The following CERCAM variants were observed in gnomAD, a reference collection of about 807,000 sequenced individuals.
CERCAM encodes cerebral endothelial cell adhesion molecule.
A neutral mutation model predicts 66.0 loss-of-function variants in CERCAM; 59 were observed. The observed-to-expected ratio is 0.89, with a 90% CI of 0.73 to 1.11. CERCAM has a LOEUF of 1.11. Ranked by LOEUF, CERCAM falls within the 50% of genes most tolerant of loss-of-function variation. CERCAM has a pLI of 0.00. For missense variants in CERCAM, 840 were observed against 828.3 expected (o/e 1.01, Z -0.17); for synonymous variants, 318 against 343.6 (o/e 0.93, Z 0.83).
At chr9:128,422,749 A>G in intron 1 of CERCAM, 119 bp from the exon 2 acceptor site, 1 of 1,148,116 alleles carries the variant, frequency 8.7e-7, no homozygotes, top group Non-Finnish European at 1.2e-6. Context: ...TAGCACACCT[A>G]CCCTTCACTG....
In CERCAM at chr9:128,422,900, C is replaced by T; in HGVS notation, c.230C>T (p.Thr77Ile). The change falls in exon 2 of 13, where the codon ACA (threonine) becomes ATA (isoleucine). Residue 77 changes from threonine to isoleucine, a missense_variant. Thr to Ile is a moderately conservative substitution (Grantham distance 89, BLOSUM62 -1). Coordinates refer to ENST00000372838, the MANE Select transcript of CERCAM (RefSeq NM_016174.5). ...CATDHNVDNT[T>I]EMLQEWLAAV... ...ACGGACCACAATGTGGACAACACCA[C>T]AGAGATGCTGCAGGAGTGGCTGGCG... The T allele has an allele frequency of 6.2e-7, 1 of 1,614,128 alleles. No individual in the cohort carries two copies. The highest frequency in any genetic ancestry group is 2.2e-5 in the East Asian group (1 of 44,890).
At chr9:128,425,815 C>A (rs943502519) in intron 5 of CERCAM, among the ~76,000 whole-genome samples, 15 of 107,438 alleles carry the variant, frequency 1.4e-4, no homozygotes, top group African/African-American at 5.0e-4. Context: ...CCAGCCCAGC[C>A]TTTTTTTTTT....
At chr9:128,430,313 A>C (rs559594571) in intron 8 of CERCAM, among the ~76,000 whole-genome samples, 1 of 152,222 alleles carries the variant, frequency 6.6e-6, no homozygotes, top group South Asian at 2.1e-4. Context: ...GAGTCAGGAG[A>C]ACTGCTGGAA....
rs1215811100 is a variant in CERCAM, at chr9:128,435,808, G to A, written c.1691G>A (p.Ser564Asn). Reference protein sequence around the residue: ...PWDDDSGRLISWSGSQKTLRS... With the variant: ...PWDDDSGRLINWSGSQKTLRS... ...GATGATGACAGCGGCCGCCTCATCA[G>A]CTGGAGCGGCTCCCAAAAGACCCTG... The change falls in exon 12 of 13, where the codon AGC becomes AAC. Residue 564 changes from serine to asparagine, a missense_variant. Transcript: ENST00000372838. 17 of 1,611,898 alleles carry A rather than the reference G, an allele frequency of 1.1e-5. No individual in the cohort carries two copies. Among genetic ancestry groups the A allele is most frequent in the African/African-American group, 4.0e-5 (3 of 75,022 alleles).
chr9:128,435,812 G>A lies in CERCAM; in HGVS notation c.1695G>A (p.Trp565Ter), dbSNP rs1260862470. The change falls in exon 12 of 13, where the codon TGG (tryptophan) becomes TGA (stop). Residue 565 changes from tryptophan (W) to a stop codon, truncating the protein, a stop_gained. Coordinates refer to ENST00000372838, the MANE Select transcript of CERCAM (RefSeq NM_016174.5). LOFTEE classifies it high-confidence loss of function. The stretch of plus-strand genomic sequence containing the variant: ...ATGACAGCGGCCGCCTCATCAGCTG[G>A]AGCGGCTCCCAAAAGACCCTGCGCA... The part of the protein sequence containing the change: ...WDDDSGRLIS[W>*]SGSQKTLRSP... 1.9e-6 allele frequency: 3 copies of A among 1,611,958 alleles called. No individual in the cohort carries two copies. The highest frequency in any genetic ancestry group is 2.5e-6 in the Non-Finnish European group (3 of 1,179,464).
At chr9:128,435,623 A>G (rs1003569396) in intron 11 of CERCAM, 30 bp from the exon 12 acceptor site, 2 of 1,558,226 alleles carry the variant, frequency 1.3e-6, no homozygotes, top group Admixed American at 1.8e-5. Flanking sequence ...GCCCGCCTCA[A>G]TCCCCCTGAG....
chr9:128,435,108 C>T (rs1834077485), intron 11 of CERCAM, among the ~76,000 whole-genome samples: 1 of 152,162 alleles, frequency 6.6e-6, no homozygotes. Context: ...ATTTTCCTGC[C>T]TCAGCCTCCT....
At chr9:128,428,897 T>G (rs1833909483) in intron 7 of CERCAM, 33 bp from the exon 8 acceptor site, 1 of 1,608,060 alleles carries the variant, frequency 6.2e-7, no homozygotes, top group African/African-American at 1.3e-5. Context: ...TCCGCTCCCT[T>G]GCACTTACCG....
chr9:128,420,757 A>C, upstream of CERCAM: 1 of 300,930 alleles, frequency 3.3e-6, no homozygotes, highest in Non-Finnish European at 5.8e-6. This position sits in a 1 kb window ranked among gnomAD's most constrained non-coding sequence, Gnocchi z 5.0. Context: ...TCCCACTCTG[A>C]GGGTGCACTG....
chr9:128,419,299 A>T (rs1346406790), upstream of CERCAM: 1 of 152,090 alleles, frequency 6.6e-6, no homozygotes, highest in Non-Finnish European at 1.5e-5. Context: ...TCCTCTATGG[A>T]CCTTCAGCCC....
chr9:128,431,403 A>T, intron 9 of CERCAM, 100 bp downstream of exon 9: 4 of 1,496,034 alleles, frequency 2.7e-6, no homozygotes, highest in Non-Finnish European at 3.6e-6. Context: ...GAAGACATTC[A>T]TCAAAACCTG....
intron 9 of CERCAM, 156 bp downstream of exon 9, chr9:128,431,459 C>A (rs1394613513): frequency 1.1e-6 from 1 of 881,178 alleles, no homozygotes; most frequent in Non-Finnish European, 1.7e-6. Flanking sequence ...CCAGTGGGCA[C>A]CACTAAGCGG....
At chr9:128,428,237 A>G (rs569843681) in intron 5 of CERCAM, 65 bp from the exon 6 acceptor site, 25 of 1,581,100 alleles carry the variant, frequency 1.6e-5, no homozygotes, top group Non-Finnish European at 2.1e-5. Context: ...TGGGCCTAGG[A>G]CCTTTCAGCT....
In CERCAM at chr9:128,423,164, G is replaced by A. The variant is rs757603080; in HGVS notation, c.327G>A (p.Glu109=). Residue 109 remains glutamate (E), a synonymous_variant, in exon 3 of 13, where the codon GAG becomes GAA. Transcript: ENST00000372838. ...EGEPRFYPDE[E]GPKHWTKERH... ...CCCTCAGGTTCTACCCAGATGAAGA[G>A]GGTCCCAAGCACTGGACCAAAGAAA... is the stretch of plus-strand genomic sequence containing the variant. 6.2e-7 allele frequency: 1 copy of A among 1,614,076 alleles called. No individual in the cohort carries two copies. The highest frequency in any genetic ancestry group is 8.5e-7 in the Non-Finnish European group (1 of 1,179,994).
At chr9:128,435,573 G>GGTGCCTGGCTCCGGGCAGGCAT in intron 11 of CERCAM, 80 bp from the exon 12 acceptor site, 1 of 1,476,498 alleles carries the variant, frequency 6.8e-7, no homozygotes, top group South Asian at 1.3e-5. Flanking sequence ...GGGCAGGCAA[G>GGTGCCTGGCTCCGGGCAGGCAT]GTGCCTGGCT....
At position 128,431,262 on chromosome 9, in the gene CERCAM, G is replaced by T. The variant is rs767230814; in HGVS notation, c.1162G>T (p.Glu388Ter). The change falls in exon 9 of 13, where the codon GAG becomes TAG. Residue 388 changes from glutamate (E) to a stop codon, truncating the protein, a stop_gained. Coordinates refer to ENST00000372838, the MANE Select transcript of CERCAM (RefSeq NM_016174.5). LOFTEE classifies it high-confidence loss of function. ...CTCGGGCCGCACTCTGACCAAGGGC[G>T]AGGTGGGCTGCTTCCTCAGCCATTA... ...PYSGRTLTKG[E>*]VGCFLSHYSI... The T allele has an allele frequency of 1.2e-6, 2 of 1,614,120 alleles. No homozygotes were observed. The highest frequency in any genetic ancestry group is 1.7e-6 in the Non-Finnish European group (2 of 1,180,026).
At chr9:128,422,259 C>A (rs1249182176) in intron 1 of CERCAM, 1 of 152,732 alleles carries the variant, frequency 6.5e-6, no homozygotes, top group African/African-American at 2.4e-5. Flanking sequence ...AGTCGAGGTA[C>A]TTTTCATCTT....
intron 8 of CERCAM, 23 bp downstream of exon 8, chr9:128,429,059 G>A (rs2072399): frequency 1.3e-6 from 2 of 1,541,028 alleles, no homozygotes; most frequent in Non-Finnish European, 1.8e-6. Flanking sequence ...GGTGGGGGGG[G>A]CCCTGTGCGC....
Position 128,434,606 on chromosome 9 carries a change from C to T in CERCAM, c.1528C>T (p.His510Tyr). Residue 510 changes from histidine (H) to tyrosine (Y), a missense_variant, in exon 11 of 13, where the codon CAC (histidine) becomes TAC (tyrosine). Physicochemically the swap from His to Tyr is moderately conservative, Grantham distance 83. Coordinates refer to ENST00000372838, the MANE Select transcript of CERCAM (RefSeq NM_016174.5). This position sits in a 1 kb window ranked among gnomAD's most constrained non-coding sequence, Gnocchi z 4.5. ...DEFLPIMFDQ[H>Y]PNEQYKAHFW... ...GTTCCTGCCCATCATGTTCGACCAG[C>T]ACCCCAAGTGAGGCTCTGATGGGGG... 1 of 1,597,596 alleles carries T rather than the reference C, an allele frequency of 6.3e-7. No homozygotes were observed. The highest frequency in any genetic ancestry group is 8.5e-7 in the Non-Finnish European group (1 of 1,178,810).
Sources: allele counts gnomAD v4.1 joint callset (sites outside exome capture counted in the v4.1 genomes callset), GRCh38; gene constraint gnomAD v4.1.1; non-coding constraint Gnocchi (gnomAD v3.1); transcripts MANE v1.5; gene names NCBI Gene and HGNC (gene_info 2026-07-23, HGNC 2026-07-21).